Variants in HRH1 observed in about 807,000 individuals in gnomAD.
HRH1 encodes the protein histamine receptor H1.
In HRH1, 6 loss-of-function variants were observed where a neutral mutation model predicts 10.3. That is an observed-to-expected ratio of 0.58 (90% CI 0.32 to 1.15). The LOEUF (loss-of-function observed/expected upper bound fraction) is 1.15. Among genes scored for constraint, HRH1 ranks in the 50% most tolerant of loss-of-function variants. HRH1 has a pLI of 0.05. For synonymous variants in HRH1, 242 were observed against 236.7 expected, an observed-to-expected ratio of 1.02 and a Z score of -0.21; for missense variants, 514 against 615.3, an observed-to-expected ratio of 0.84 and a Z score of 1.74.
chr3:11,163,671 C>G (rs1032201158), intron 1 of HRH1, among the ~76,000 whole-genome samples: 2 of 152,082 alleles, frequency 1.3e-5, no homozygotes, highest in African/African-American at 2.4e-5. Flanking sequence ...CTCCTAGTAG[C>G]ATCCAATAAA....
chr3:11,170,759 A>G (rs552482114), intron 1 of HRH1, among the ~76,000 whole-genome samples: 1 of 152,376 alleles, frequency 6.6e-6, no homozygotes, highest in East Asian at 1.9e-4. Flanking sequence ...AGGATGAGGT[A>G]TGCCAGGAAA....
intron 1 of HRH1, among the ~76,000 whole-genome samples, chr3:11,196,467 G>A (rs998104476): frequency 3.3e-5 from 5 of 151,952 alleles, no homozygotes; most frequent in African/African-American, 7.3e-5. Context: ...GTGCAGTGGC[G>A]TGATCTTGGC....
At chr3:11,201,892 A>C (rs1937924870) in intron 1 of HRH1, among the ~76,000 whole-genome samples, 1 of 152,188 alleles carries the variant, frequency 6.6e-6, no homozygotes, top group Non-Finnish European at 1.5e-5. Flanking sequence ...TCTGCCGCCC[A>C]GGCCTGTGGC....
intron 1 of HRH1, among the ~76,000 whole-genome samples, chr3:11,140,408 C>T (rs941391489): frequency 6.6e-6 from 1 of 152,156 alleles, no homozygotes; most frequent in East Asian, 1.9e-4. Flanking sequence ...CACCCTCCAG[C>T]TGCAATTCCA....
intron 1 of HRH1, among the ~76,000 whole-genome samples, chr3:11,245,618 A>T (rs1043824888): frequency 6.6e-5 from 10 of 152,198 alleles, no homozygotes; most frequent in Admixed American, 1.3e-4. Flanking sequence ...GTTTGCTGGC[A>T]CATGGGCCTG....
chr3:11,182,106 C>T (rs898227253), intron 1 of HRH1, among the ~76,000 whole-genome samples: 2 of 152,064 alleles, frequency 1.3e-5, no homozygotes, highest in African/African-American at 4.8e-5. Flanking sequence ...CCTTAGCCTC[C>T]CTAGTAGCTG....
chr3:11,237,975 C>T (rs1939233267), intron 1 of HRH1, among the ~76,000 whole-genome samples: 1 of 152,160 alleles, frequency 6.6e-6, no homozygotes, highest in Non-Finnish European at 1.5e-5. Context: ...TGCGCCCAGC[C>T]TCTCCCTTGC....
At chr3:11,184,581 T>C (rs1341898704) in intron 1 of HRH1, among the ~76,000 whole-genome samples, 1 of 152,094 alleles carries the variant, frequency 6.6e-6, no homozygotes, top group African/African-American at 2.4e-5. Context: ...AGTGCTTTCC[T>C]AACACGCCGA....
chr3:11,230,854 C>T (rs1233250106), intron 1 of HRH1, among the ~76,000 whole-genome samples: 1 of 145,244 alleles, frequency 6.9e-6, no homozygotes, highest in East Asian at 1.9e-4. Context: ...ATAGAGGAAT[C>T]CTGCATACAC....
rs201060044 is a variant in HRH1 at position 11,260,639 on chromosome 3, G to T, written c.*138G>T. The T allele has an allele frequency of 7.7e-6, 6 of 776,024 alleles. No individual in the cohort carries two copies. The highest frequency in any genetic ancestry group is 8.5e-6 in the Non-Finnish European group (4 of 469,116). 48.1% of individuals were successfully genotyped at this position (776,024 alleles called of 1,614,324 possible). ...CACAGTCTTAGGGGCTTGGTAGTTT[G>T]GAAAGTTCTTAGGCACCATAGAAGA... On this transcript the variant is annotated 3_prime_UTR_variant, in exon 2 of 2. Coordinates refer to ENST00000431010, the MANE Select transcript of HRH1 (RefSeq NM_001098212.2).
intron 1 of HRH1, among the ~76,000 whole-genome samples, chr3:11,139,166 T>C (rs1300041064): frequency 2.0e-5 from 3 of 151,448 alleles, no homozygotes; most frequent in African/African-American, 7.3e-5. Flanking sequence ...TTTGTATTTT[T>C]AGTAGAGATG....
intron 1 of HRH1, among the ~76,000 whole-genome samples, chr3:11,198,986 C>G (rs957646275): frequency 6.6e-6 from 1 of 151,566 alleles, no homozygotes; most frequent in Non-Finnish European, 1.5e-5. Context: ...TGCAGTGACA[C>G]TATCTCAGTT....
At chr3:11,137,596 G>A (rs1424440813) in intron 1 of HRH1, among the ~76,000 whole-genome samples, 1 of 152,146 alleles carries the variant, frequency 6.6e-6, no homozygotes, top group African/African-American at 2.4e-5. Context: ...CACAAGGTGG[G>A]AGGAGTCATC....
At chr3:11,253,156 C>A (rs1939696247) in intron 1 of HRH1, 1 of 152,112 alleles carries the variant, frequency 6.6e-6, no homozygotes, top group African/African-American at 2.4e-5. Context: ...TTCTTGTGAA[C>A]AAGTTACACT....
At chr3:11,210,653 TGTGGTGGTGC>T (rs1197059964) in intron 1 of HRH1, among the ~76,000 whole-genome samples, 2 of 151,924 alleles carry the variant, frequency 1.3e-5, no homozygotes. Flanking sequence ...ATTAGTCAGG[TGTGGTGGTGC>T]GCATTCACAG....
intron 1 of HRH1, among the ~76,000 whole-genome samples, chr3:11,145,191 G>A (rs1214610180): frequency 6.6e-6 from 1 of 152,052 alleles, no homozygotes; most frequent in Non-Finnish European, 1.5e-5. Flanking sequence ...ACTCTGCGGG[G>A]CCTCCCTTGG....
At chr3:11,168,391 A>C (rs1284788031) in intron 1 of HRH1, among the ~76,000 whole-genome samples, 2 of 152,184 alleles carry the variant, frequency 1.3e-5, no homozygotes, top group African/African-American at 2.4e-5. Flanking sequence ...GATGACGCAC[A>C]GAGGAAGCGG....
chr3:11,252,966 G>A (rs1293499774), intron 1 of HRH1, among the ~76,000 whole-genome samples: 2 of 152,050 alleles, frequency 1.3e-5, no homozygotes, highest in Admixed American at 6.5e-5. Flanking sequence ...GGAATTTTCC[G>A]TGATTGATTT....
chr3:11,232,142 C>T (rs1939059926), intron 1 of HRH1, among the ~76,000 whole-genome samples: 1 of 152,028 alleles, frequency 6.6e-6, no homozygotes, highest in East Asian at 1.9e-4. Flanking sequence ...TGCGTGCCAC[C>T]GTGCCCAGCT....
Sources: gnomAD v4.1 joint callset for allele counts (sites outside exome capture counted in the v4.1 genomes callset) on GRCh38, gnomAD v4.1.1 for gene constraint, MANE v1.5 for transcripts, NCBI Gene and HGNC (gene_info 2026-07-23, HGNC 2026-07-21) for gene names.